Variants in ZNF329 observed in about 807,000 individuals in gnomAD.
ZNF329 encodes the protein zinc finger protein 329.
In ZNF329, 15 loss-of-function variants were observed where a neutral mutation model predicts 26.6. The observed-to-expected ratio is 0.56, with a 90% CI of 0.38 to 0.87. The LOEUF (loss-of-function observed/expected upper bound fraction) is 0.87, where lower values mean the gene tolerates loss of function less well. ZNF329 is among the 40% of genes least tolerant of loss of function. The probability of loss-of-function intolerance (pLI) is 0.00; values close to 1 mark genes in which losing one functional copy is unlikely to be tolerated. For synonymous variants in ZNF329, 239 were observed against 233.5 expected, an observed-to-expected ratio of 1.02 and a Z score of -0.21; for missense variants, 651 against 651.9, an observed-to-expected ratio of 1.00 and a Z score of 0.02.
chr19:58,130,491 T>G (rs1174071227), intron 3 of ZNF329, among the ~76,000 whole-genome samples: 1 of 151,040 alleles, frequency 6.6e-6, no homozygotes, highest in African/African-American at 2.4e-5. Flanking sequence ...GCTAACGTGG[T>G]GAAACCCCGT....
Position 58,128,395 on chromosome 19 carries a change from G to A in ZNF329, c.1109C>T (p.Pro370Leu). 6.2e-7 allele frequency: 1 copy of A among 1,614,014 alleles called. No homozygotes were observed. Among genetic ancestry groups the A allele is most frequent in the Non-Finnish European group, 8.5e-7 (1 of 1,180,016 alleles). ...QHERTHTGEK[P>L]FECAECGKSF... Reference sequence around the variant, plus strand: ...TTTCCCGCACTCTGCACACTCAAAGGGCTTTTCTCCAGTGTGAGTCCTCTC... The same window carrying A: ...TTTCCCGCACTCTGCACACTCAAAGAGCTTTTCTCCAGTGTGAGTCCTCTC... Residue 370 changes from proline (P) to leucine (L), a missense_variant, in exon 4 of 4, where the codon CCC becomes CTC. Coordinates refer to ENST00000598312, the MANE Select transcript of ZNF329 (RefSeq NM_024620.4).
At chr19:58,149,169 G>A (rs1316255116) in intron 1 of ZNF329, among the ~76,000 whole-genome samples, 1 of 152,196 alleles carries the variant, frequency 6.6e-6, no homozygotes, top group East Asian at 1.9e-4. Context: ...AAATGTCATG[G>A]AAACATCAGG....
intron 1 of ZNF329, among the ~76,000 whole-genome samples, chr19:58,147,258 G>C (rs1486110914): frequency 1.3e-5 from 2 of 151,022 alleles, no homozygotes; most frequent in African/African-American, 4.9e-5. Flanking sequence ...TGAGAAGTGA[G>C]GAGACCCTCC....
rs2146107750 is a variant in ZNF329 at position 58,142,599 on chromosome 19, A to C, written c.-51T>G. On this transcript the variant is annotated 5_prime_UTR_variant, in exon 3 of 4. Transcript: ENST00000598312. ...ATCCATTCAGGCCAGGTGTGTGGATACTTGACATCGATGGTTGCTGGACAT... is the reference window on the plus strand; with the variant it reads ...ATCCATTCAGGCCAGGTGTGTGGATCCTTGACATCGATGGTTGCTGGACAT... 6.5e-6 allele frequency: 1 copy of C among 152,776 alleles called. No homozygotes were observed. The highest frequency in any genetic ancestry group is 1.9e-4 in the East Asian group (1 of 5,180). The allele number at this position is 152,776 out of a possible 1,614,324, so 9.5% of individuals were successfully genotyped here. A position where few individuals can be genotyped will look rare whatever the true frequency, so the allele number is the denominator to read the frequency against.
rs1170011720 is a variant in ZNF329, at chr19:58,148,465, GA to G, written c.-208+2286del. Among the ~76,000 whole-genome samples, 1,334 of 145,410 alleles carry G rather than the reference GA, an allele frequency of 9.2e-3. 15 individuals are homozygous for G. Among genetic ancestry groups the G allele is most frequent in the African/African-American group, 0.031 (1,213 of 39,126 alleles). The stretch of plus-strand genomic sequence containing the variant: ...TTCTTTTCCAGGTTCAGATTGGCAG[GA>G]AAAAAAAATTACAAATAAAAAACAA... On this transcript the variant is annotated intron_variant, in intron 1 of 3. Transcript: ENST00000598312.
At chr19:58,137,929 AG>A (rs1460465660) in intron 3 of ZNF329, among the ~76,000 whole-genome samples, 2 of 151,872 alleles carry the variant, frequency 1.3e-5, no homozygotes, top group Non-Finnish European at 2.9e-5. Flanking sequence ...CAGTGAACGG[AG>A]AGAGTGCCAC....
chr19:58,148,319 G>A (rs1260492527), intron 1 of ZNF329, among the ~76,000 whole-genome samples: 6 of 147,018 alleles, frequency 4.1e-5, no homozygotes, highest in Non-Finnish European at 8.9e-5. Context: ...TTTATCTGCT[G>A]ACCTCCCCTC....
chr19:58,148,217 A>C (rs1327794865), intron 1 of ZNF329, among the ~76,000 whole-genome samples: 1 of 150,878 alleles, frequency 6.6e-6, no homozygotes, highest in Non-Finnish European at 1.5e-5. Flanking sequence ...AGTCATCACC[A>C]CTCCCTAATC....
At chr19:58,137,708 A>T (rs1412790059) in intron 3 of ZNF329, among the ~76,000 whole-genome samples, 1 of 151,738 alleles carries the variant, frequency 6.6e-6, no homozygotes, top group Non-Finnish European at 1.5e-5. Context: ...TCATACCTGT[A>T]ATCCCAACAC....
At chr19:58,154,394 C>G (rs2146157101), upstream of ZNF329, among the ~76,000 whole-genome samples, 1 of 152,294 alleles carries the variant, frequency 6.6e-6, no homozygotes, top group South Asian at 2.1e-4. Flanking sequence ...GCACTTGCGC[C>G]CAGGGATAAA....
In ZNF329 at chr19:58,127,857, G is replaced by A; in HGVS notation, c.*21C>T. On this transcript the variant is annotated 3_prime_UTR_variant, in exon 4 of 4. Transcript: ENST00000598312. ...ACACAGGAGTGAGAGTGAACTGGAA[G>A]ACTCATGTGGCCCCCAACCATTATG... is the stretch of plus-strand genomic sequence containing the variant. 1 of 1,555,570 alleles carries A rather than the reference G, an allele frequency of 6.4e-7. No individual in the cohort carries two copies. The highest frequency in any genetic ancestry group is 8.7e-7 in the Non-Finnish European group (1 of 1,150,106).
upstream of ZNF329, among the ~76,000 whole-genome samples, chr19:58,152,194 A>G (rs2075466780): frequency 6.6e-6 from 1 of 152,144 alleles, no homozygotes; most frequent in Admixed American, 6.5e-5. Context: ...ACACACTGAC[A>G]TATTATTCCT....
At chr19:58,136,006 G>A (rs889896202) in intron 3 of ZNF329, among the ~76,000 whole-genome samples, 2 of 152,142 alleles carry the variant, frequency 1.3e-5, no homozygotes, top group African/African-American at 4.8e-5. Flanking sequence ...GCAGAGGCAG[G>A]TGGATCACGA....
Position 58,128,391 on chromosome 19 carries a change from A to T in ZNF329, c.1113T>A (p.Phe371Leu), listed in dbSNP as rs776981407. 10 of 1,613,942 alleles carry T rather than the reference A, an allele frequency of 6.2e-6. No individual in the cohort carries two copies. The Admixed American group carries it at 1.2e-4, about 19-fold the overall frequency. ...AGGATTTCCCGCACTCTGCACACTC[A>T]AAGGGCTTTTCTCCAGTGTGAGTCC... ...HERTHTGEKP[F>L]ECAECGKSFN... Residue 371 changes from phenylalanine to leucine, a missense_variant, in exon 4 of 4, where the codon TTT becomes TTA. Physicochemically the swap from Phe to Leu is conservative, Grantham distance 22. Transcript: ENST00000598312.
chr19:58,133,550 C>G (rs2074996264), intron 3 of ZNF329, among the ~76,000 whole-genome samples: 1 of 151,368 alleles, frequency 6.6e-6, no homozygotes, highest in Admixed American at 6.6e-5. Flanking sequence ...TTCACTCCAG[C>G]CTGGACAACA....
At position 58,128,472 on chromosome 19, in the gene ZNF329, C is replaced by A. The variant is rs1373563801; in HGVS notation, c.1032G>T (p.Glu344Asp). 5 of 1,613,554 alleles carry A rather than the reference C, an allele frequency of 3.1e-6. No individual in the cohort carries two copies. In the African/African-American group the frequency reaches 4.0e-5, roughly 13 times the overall value. The change falls in exon 4 of 4, where the codon GAG (glutamate) becomes GAT (aspartate). Residue 344 changes from glutamate to aspartate, a missense_variant. Glu to Asp is a conservative substitution (Grantham distance 45). Transcript: ENST00000598312. ...LRIHTGEKPY[E>D]CSKCGKAFRD... Reference sequence around the variant, plus strand: ...GGAAAGCCTTTCCACATTTGCTACACTCATAGGGCTTCTCACCGGTGTGGA... The same window carrying A: ...GGAAAGCCTTTCCACATTTGCTACAATCATAGGGCTTCTCACCGGTGTGGA...
At position 58,129,513 on chromosome 19, in the gene ZNF329, T is replaced by C. The variant is rs758910591; in HGVS notation, c.-8-2A>G. The stretch of plus-strand genomic sequence containing the variant: ...TCATTTTCAATCTCATATCCCAAAC[T>C]GCAAAAAGAAGAAAAATGCAGACTT... On this transcript the variant is annotated splice_acceptor_variant, in intron 3 of 3. Coordinates refer to ENST00000598312, the MANE Select transcript of ZNF329 (RefSeq NM_024620.4). LOFTEE classifies it low-confidence loss of function (5UTR_SPLICE). 10 of 1,567,510 alleles carry C rather than the reference T, an allele frequency of 6.4e-6. No homozygotes were observed. Among genetic ancestry groups the C allele is most frequent in the Non-Finnish European group, 8.6e-6 (10 of 1,158,850 alleles).
intron 3 of ZNF329, 59 bp downstream of exon 3, chr19:58,142,498 A>T (rs998707168): frequency 1.3e-5 from 2 of 152,670 alleles, no homozygotes; most frequent in African/African-American, 4.8e-5. Context: ...TATAAAGGAA[A>T]TAACAGTCCT....
upstream of ZNF329, among the ~76,000 whole-genome samples, chr19:58,152,382 C>T (rs1323357636): frequency 6.7e-6 from 1 of 149,592 alleles, no homozygotes; most frequent in Non-Finnish European, 1.5e-5. Context: ...TAAAAATTGG[C>T]TGGGCACAGT....
Sources: gnomAD v4.1 joint callset for allele counts (sites outside exome capture counted in the v4.1 genomes callset) on GRCh38, gnomAD v4.1.1 for gene constraint, MANE v1.5 for transcripts, NCBI Gene and HGNC (gene_info 2026-07-23, HGNC 2026-07-21) for gene names.